COL6A3: variants seen among roughly 807,000 people sequenced by gnomAD.
COL6A3 encodes collagen alpha-3(VI) chain.
Under a neutral mutation model 274.1 loss-of-function variants are expected in COL6A3, and 137 were observed. That is an observed-to-expected ratio of 0.50 (90% CI 0.44 to 0.58). The LOEUF is 0.58. Ranked by LOEUF, COL6A3 falls within the 20% of genes least tolerant of loss-of-function variation. The pLI, the probability that COL6A3 is intolerant of heterozygous loss-of-function variation, is 0.00. For missense variants in COL6A3, 3,950 were observed against 4,124.9 expected, an observed-to-expected ratio of 0.96 and a Z score of 1.16; for synonymous variants, 1,650 against 1,650.6, an observed-to-expected ratio of 1.00 and a Z score of 0.01.
At chr2:237,342,648 T>C (rs1254585280) in intron 36 of COL6A3, 1 of 161,356 alleles carries the variant, frequency 6.2e-6, no homozygotes, top group Non-Finnish European at 1.4e-5. Flanking sequence ...GGCACACGAT[T>C]AGTAATTATT....
Position 237,377,139 on chromosome 2 carries a change from A to G in COL6A3, c.2703T>C (p.Asn901=), listed in dbSNP as rs1241038723. ...TCTTGATCTTCATTCTCTTCACAAG[A>G]TTCAGGATCTCAGGCTTACTCTGGT... ...DEHQSKPEIL[N]LVKRMKIKTG... Residue 901 remains asparagine, a synonymous_variant, in exon 7 of 44, where the codon AAT becomes AAC. Transcript: ENST00000295550. 1 of 1,614,056 alleles carries G rather than the reference A, an allele frequency of 6.2e-7. No homozygotes were observed. Among genetic ancestry groups the G allele is most frequent in the East Asian group, 2.2e-5 (1 of 44,898 alleles).
chr2:237,406,611 C>T (rs78635570), intron 1 of COL6A3, among the ~76,000 whole-genome samples: 1,815 of 151,400 alleles, frequency 0.012, 66 homozygotes, highest in Admixed American at 0.057. Context: ...CAAGAAGGAG[C>T]GCCCCATTTC....
In COL6A3 at chr2:237,409,335, G is replaced by A. The variant is rs1012825745; in HGVS notation, c.-31+4618C>T. ...TTATACTTTAAGTTTTAGGGTACAT[G>A]TGCACAACATGCAGGTTTGTTACAT... On this transcript the variant is annotated intron_variant, in intron 1 of 43. Transcript: ENST00000295550. Among the ~76,000 whole-genome samples the A allele has an allele frequency of 8.6e-5, 13 of 152,038 alleles. No individual in the cohort carries two copies. The East Asian group carries it at 2.1e-3, about 25-fold the overall frequency.
intron 1 of COL6A3, among the ~76,000 whole-genome samples, chr2:237,400,858 C>T (rs1258465214): frequency 5.3e-5 from 8 of 152,138 alleles, no homozygotes; most frequent in Non-Finnish European, 1.2e-4. Context: ...ACCAAATCAA[C>T]AGCACATTAA....
At chr2:237,366,600 C>A (rs2077558355) in intron 11 of COL6A3, 87 bp downstream of exon 11, 13 of 1,604,642 alleles carry the variant, frequency 8.1e-6, no homozygotes, top group Non-Finnish European at 1.0e-5. Flanking sequence ...CCTAAGGACT[C>A]CAGAGGTCAG....
At chr2:237,353,549 G>A (rs2077252264) in intron 24 of COL6A3, 146 bp from the exon 25 acceptor site, 7 of 715,980 alleles carry the variant, frequency 9.8e-6, no homozygotes, top group Non-Finnish European at 1.5e-5. Context: ...GATCAAAGCG[G>A]TAACCCCAGG....
intron 43 of COL6A3, 51 bp downstream of exon 43, chr2:237,325,509 A>G (rs1288619966): frequency 2.5e-6 from 4 of 1,593,952 alleles, no homozygotes; most frequent in Non-Finnish European, 3.4e-6. Context: ...TGACTTATTG[A>G]CCTGAATCTC....
chr2:237,344,563 C>T lies in COL6A3; in HGVS notation c.7455G>A (p.Gln2485=). ...NLQVALTSKQ[Q]SLETAMSFVA... is the part of the protein sequence containing the mutation. ...CAAACGACATGGCAGTCTCCAGACT[C>T]TGCTGTTTGGATGTCAGAGCCACCT... The change falls in exon 36 of 44, where the codon CAG becomes CAA. Residue 2485 remains glutamine, a synonymous_variant. Coordinates refer to ENST00000295550, the MANE Select transcript of COL6A3 (RefSeq NM_004369.4). The surrounding 1 kb of genome is among the most constrained non-coding windows in gnomAD (Gnocchi z 4.8). The T allele has an allele frequency of 6.2e-7, 1 of 1,614,196 alleles. No individual in the cohort carries two copies. Among genetic ancestry groups the T allele is most frequent in the Non-Finnish European group, 8.5e-7 (1 of 1,180,036 alleles).
At chr2:237,332,120 A>ATAT (rs1700293213) in intron 42 of COL6A3, among the ~76,000 whole-genome samples, 2 of 40,390 alleles carry the variant, frequency 5.0e-5, no homozygotes, top group Admixed American at 2.7e-4. Flanking sequence ...TATATATATG[A>ATAT]AAAGAAAAAC....
At position 237,388,250 on chromosome 2, in the gene COL6A3, T is replaced by C. The variant is rs1317796520; in HGVS notation, c.710-66A>G. 9.4e-6 allele frequency: 15 copies of C among 1,598,924 alleles called. No individual in the cohort carries two copies. In the East Asian group the frequency reaches 3.3e-4, roughly 36 times the overall value. ...ACAAGTGACCACATGCATTATTCAG[T>C]GTTCTGACATGTTTCTTTGGAAACC... On this transcript the variant is annotated intron_variant, in intron 3 of 43. Coordinates refer to ENST00000295550, the MANE Select transcript of COL6A3 (RefSeq NM_004369.4).
rs998223951 is a variant in COL6A3, at chr2:237,344,593, G to T, written c.7425C>A (p.Asn2475Lys). 1.2e-6 allele frequency: 2 copies of T among 1,614,202 alleles called. No homozygotes were observed. The highest frequency in any genetic ancestry group is 1.7e-6 in the Non-Finnish European group (2 of 1,180,044). Residue 2475 changes from asparagine to lysine, a missense_variant, in exon 36 of 44, where the codon AAC (asparagine) becomes AAA (lysine). Physicochemically the swap from Asn to Lys is moderately conservative, Grantham distance 94. Transcript: ENST00000295550. This position sits in a 1 kb window ranked among gnomAD's most constrained non-coding sequence, Gnocchi z 4.8. ...RKSVLLDKIK[N>K]LQVALTSKQQ... is the part of the protein sequence containing the mutation. ...GTTTGGATGTCAGAGCCACCTGAAG[G>T]TTCTTAATCTTGTCCAGGAGGACCG...
At chr2:237,351,654 A>T (rs934111336) in intron 26 of COL6A3, among the ~76,000 whole-genome samples, 1 of 152,254 alleles carries the variant, frequency 6.6e-6, no homozygotes. Context: ...CACAAATAAC[A>T]TAAAAGAGAT....
chr2:237,371,609 C>T lies in COL6A3; in HGVS notation c.4285+123G>A. 1.3e-6 allele frequency: 2 copies of T among 1,496,930 alleles called. No individual in the cohort carries two copies. The highest frequency in any genetic ancestry group is 1.4e-5 in the South Asian group (1 of 70,920). The allele number at this position is 1,496,930 out of a possible 1,614,324, so 92.7% of individuals were successfully genotyped here. The stretch of plus-strand genomic sequence containing the variant: ...CCAGACCCTGTCTCAAAATAAAAAC[C>T]ATAAAGGTAAGGGCATACAACCTTT... On this transcript the variant is annotated intron_variant, in intron 9 of 43. Transcript: ENST00000295550. The surrounding 1 kb of genome is among the most constrained non-coding windows in gnomAD (Gnocchi z 4.3).
Position 237,344,488 on chromosome 2 carries a change from T to C in COL6A3, c.7530A>G (p.Lys2510=), listed in dbSNP as rs1179884174. The C allele has an allele frequency of 1.2e-6, 2 of 1,614,184 alleles. No homozygotes were observed. The highest frequency in any genetic ancestry group is 1.7e-6 in the Non-Finnish European group (2 of 1,180,032). ...KRVRNGFLMR[K]VAVFFSNTPT... Reference sequence around the variant, plus strand: ...GTGTGTTGCTGAAGAAAACAGCCACTTTCCTCATTAGGAATCCGTTCCTCA... The same window carrying C: ...GTGTGTTGCTGAAGAAAACAGCCACCTTCCTCATTAGGAATCCGTTCCTCA... The change falls in exon 36 of 44, where the codon AAA becomes AAG. Residue 2510 remains lysine (K), a synonymous_variant. Coordinates refer to ENST00000295550, the MANE Select transcript of COL6A3 (RefSeq NM_004369.4). The surrounding 1 kb of genome is among the most constrained non-coding windows in gnomAD (Gnocchi z 4.8).
rs1389835032 is a variant in COL6A3, at chr2:237,375,006, C to T, written c.3085G>A (p.Asp1029Asn). 6.2e-7 allele frequency: 1 copy of T among 1,613,812 alleles called. No homozygotes were observed. The highest frequency in any genetic ancestry group is 8.5e-7 in the Non-Finnish European group (1 of 1,180,030). ...GAPAPVSGEK[D>N]VVFLLDGSEG... ...GAGCCATCAAGCAGAAACACCACGT[C>T]CTTTTCACCTGAAACTGGGAGGAGG... The change falls in exon 8 of 44, where the codon GAC becomes AAC. Residue 1029 changes from aspartate to asparagine, a missense_variant. Asp to Asn is a conservative substitution (Grantham distance 23). Coordinates refer to ENST00000295550, the MANE Select transcript of COL6A3 (RefSeq NM_004369.4).
chr2:237,346,509 T>G lies in COL6A3; in HGVS notation c.7086A>C (p.Gly2362=), dbSNP rs35902696. 6,155 of 1,613,940 alleles carry G rather than the reference T, an allele frequency of 3.8e-3. 202 individuals carry two copies. The African/African-American group carries it at 0.063, about 16-fold the overall frequency. The change falls in exon 32 of 44, where the codon GGA becomes GGC. Residue 2362 remains glycine (G), a synonymous_variant. Coordinates refer to ENST00000295550, the MANE Select transcript of COL6A3 (RefSeq NM_004369.4). ...VGQKGDPGYP[G]PAGPKGNRGD... The stretch of plus-strand genomic sequence containing the variant: ...GAACTGGATAAATACTTACAGCTGG[T>G]CCTGGGTAGCCAGGGTCTCCCTTCT...
chr2:237,376,693 G>A, intron 7 of COL6A3, 79 bp downstream of exon 7: 1 of 1,408,914 alleles, frequency 7.1e-7, no homozygotes, highest in Non-Finnish European at 1.0e-6. Context: ...TCTATCTAAG[G>A]ACCAGTGGCC....
Position 237,363,304 on chromosome 2 carries a change from C to A in COL6A3, c.6012G>T (p.Arg2004Ser). 6.2e-7 allele frequency: 1 copy of A among 1,614,096 alleles called. No homozygotes were observed. The highest frequency in any genetic ancestry group is 8.5e-7 in the Non-Finnish European group (1 of 1,180,016). Residue 2004 changes from arginine (R) to serine (S), a missense_variant, in exon 14 of 44, where the codon AGG becomes AGT. Arg to Ser is a moderately radical substitution (Grantham distance 110, BLOSUM62 -1). Around this residue, in one of 5 missense-constraint regions of COL6A3, gnomAD observed 632 missense variants for 623.4 expected, o/e 1.01. Coordinates refer to ENST00000295550, the MANE Select transcript of COL6A3 (RefSeq NM_004369.4). ...AGTCCAGCAAGTTAAGCCTCAGGGG[C>A]CTGTCATACATAAACCCTCGCCCAA... ...LEFGRGFMYD[R>S]PLRLNLLDLD...
intron 4 of COL6A3, 41 bp downstream of exon 4, chr2:237,387,541 A>C (rs748712789): frequency 1.2e-6 from 2 of 1,613,302 alleles, no homozygotes; most frequent in South Asian, 2.2e-5. Flanking sequence ...AACACACACA[A>C]CACCCCACTC....
Sources: allele counts gnomAD v4.1 joint callset (sites outside exome capture counted in the v4.1 genomes callset), GRCh38; gene constraint gnomAD v4.1.1; regional missense constraint gnomAD v4.1.1; non-coding constraint Gnocchi (gnomAD v3.1); transcripts MANE v1.5; gene names NCBI Gene and HGNC (gene_info 2026-07-23, HGNC 2026-07-21).